Variants in DOCK8 observed in about 807,000 individuals in gnomAD.
The protein encoded by DOCK8 is dedicator of cytokinesis 8, also known as dedicator of cytokinesis protein 8.
Under a neutral mutation model 245.6 loss-of-function variants are expected in DOCK8, and 141 were observed. The ratio of observed to expected loss-of-function variants is 0.57; its 90% CI spans 0.50 to 0.66. The LOEUF (loss-of-function observed/expected upper bound fraction) is 0.66. Among genes scored for constraint, DOCK8 ranks in the 30% least tolerant of loss-of-function variants. The pLI is 0.00. For missense variants in DOCK8, 2,965 were observed against 2,603.4 expected (o/e 1.14, Z -3.02); for synonymous variants, 1,168 against 970.2 (o/e 1.20, Z -3.79).
chr9:273,003 T>C, intron 2 of DOCK8: 8 of 984,114 alleles, frequency 8.1e-6, no homozygotes, highest in Non-Finnish European at 9.7e-6. Context: ...AAACCACTTC[T>C]GCCTTAGAAA....
chr9:408,321 C>T (rs1278147249), intron 28 of DOCK8, among the ~76,000 whole-genome samples: 1 of 152,212 alleles, frequency 6.6e-6, no homozygotes, highest in Non-Finnish European at 1.5e-5. Flanking sequence ...TGAAGTGACT[C>T]TATGTCTGCG....
At chr9:228,638 T>C (rs2047038678) in intron 1 of DOCK8, among the ~76,000 whole-genome samples, 1 of 152,184 alleles carries the variant, frequency 6.6e-6, no homozygotes, top group Admixed American at 6.5e-5. Context: ...TTCAGAACTC[T>C]GAGAAAATAA....
intron 26 of DOCK8, among the ~76,000 whole-genome samples, chr9:400,062 CTT>C (rs2054723353): frequency 1.1e-5 from 1 of 91,018 alleles, no homozygotes; most frequent in African/African-American, 6.5e-5. Flanking sequence ...TCACCACCTC[CTT>C]CACCATCACC....
Position 372,291 on chromosome 9 carries a change from T to G in DOCK8, c.2109+5T>G. 2 of 1,611,562 alleles carry G rather than the reference T, an allele frequency of 1.2e-6. No homozygotes were observed. The highest frequency in any genetic ancestry group is 2.2e-5 in the South Asian group (2 of 91,022). On this transcript the variant is annotated splice_donor_5th_base_variant and intron_variant, in intron 18 of 47. Coordinates refer to ENST00000432829, the MANE Select transcript of DOCK8 (RefSeq NM_203447.4). ...TACTCCATGCATTCTGCTGAGGTAA[T>G]TGGCAAGCTGGCCATCAGCTGTTTC...
intron 1 of DOCK8, among the ~76,000 whole-genome samples, chr9:237,243 C>T (rs1294493637): frequency 6.6e-6 from 1 of 152,206 alleles, no homozygotes. Flanking sequence ...AAGCAAAAGC[C>T]AAACAAGTAC....
chr9:308,306 C>A (rs891306034), intron 5 of DOCK8, among the ~76,000 whole-genome samples: 1 of 152,180 alleles, frequency 6.6e-6, no homozygotes, highest in Non-Finnish European at 1.5e-5. Flanking sequence ...AGATATTACA[C>A]TGTATTCCAT....
At chr9:265,916 C>G (rs2048026014) in intron 1 of DOCK8, among the ~76,000 whole-genome samples, 1 of 152,104 alleles carries the variant, frequency 6.6e-6, no homozygotes, top group Admixed American at 6.6e-5. Context: ...TAAACTCAAG[C>G]AAATGGCAAA....
At chr9:409,266 T>A (rs1176917276) in intron 28 of DOCK8, among the ~76,000 whole-genome samples, 4 of 152,226 alleles carry the variant, frequency 2.6e-5, no homozygotes, top group African/African-American at 9.6e-5. Flanking sequence ...CACCTGGGTA[T>A]ATCCACAAGT....
intron 18 of DOCK8, among the ~76,000 whole-genome samples, chr9:372,592 C>CA (rs1350730626): frequency 4.6e-5 from 7 of 152,222 alleles, no homozygotes; most frequent in African/African-American, 1.7e-4. Context: ...TCATAGTAAA[C>CA]AACTGTTCCC....
chr9:328,114 G>T lies in DOCK8; in HGVS notation c.987G>T (p.Ala329=). ...CTTCAGTGGCCGCATCAAGTCAGGC[G>T]AGATCTGCAGTCTTCTCAGTCACCT... is the stretch of plus-strand genomic sequence containing the variant. ...HTPSVAASSQ[A]RSAVFSVTYP... is the part of the protein sequence containing the mutation. The change falls in exon 9 of 48, where the codon GCG becomes GCT. Residue 329 remains alanine, a synonymous_variant. Transcript: ENST00000432829. The T allele has an allele frequency of 6.2e-7, 1 of 1,614,162 alleles. No homozygotes were observed. Among genetic ancestry groups the T allele is most frequent in the Non-Finnish European group, 8.5e-7 (1 of 1,180,014 alleles).
chr9:262,392 T>C (rs1476013986), intron 1 of DOCK8, among the ~76,000 whole-genome samples: 1 of 150,124 alleles, frequency 6.7e-6, no homozygotes, highest in East Asian at 2.0e-4. Flanking sequence ...GCAACTTTAT[T>C]TGTAATAGGT....
At chr9:383,376 T>C (rs1295044687) in intron 22 of DOCK8, among the ~76,000 whole-genome samples, 1 of 151,980 alleles carries the variant, frequency 6.6e-6, no homozygotes, top group African/African-American at 2.4e-5. Flanking sequence ...CTACTAAAAA[T>C]ACAAAATTAG....
chr9:403,892 CTATA>C (rs768500884), intron 26 of DOCK8, among the ~76,000 whole-genome samples: 1,113 of 73,576 alleles, frequency 0.015, 22 homozygotes, highest in African/African-American at 0.052. Flanking sequence ...CTCTCTCTCT[CTATA>C]TATATATATA....
rs377297446 is a variant in DOCK8, at chr9:404,953, T to C, written c.3270T>C (p.Ile1090=). Residue 1090 remains isoleucine (I), a synonymous_variant, in exon 27 of 48, where the codon ATT becomes ATC. Coordinates refer to ENST00000432829, the MANE Select transcript of DOCK8 (RefSeq NM_203447.4). ...SAKLSNLPTL[I]SMRLEFLRIL... is the part of the protein sequence containing the mutation. Reference sequence around the variant, plus strand: ...AGCTCAGTAACCTTCCAACGCTCATTTCCATGAGGCTAGAGTTCCTGAGAA... The same window carrying C: ...AGCTCAGTAACCTTCCAACGCTCATCTCCATGAGGCTAGAGTTCCTGAGAA... 20 of 1,614,098 alleles carry C rather than the reference T, an allele frequency of 1.2e-5. No homozygotes were observed. Among genetic ancestry groups the C allele is most frequent in the Middle Eastern group, 1.6e-4 (1 of 6,062 alleles).
intron 46 of DOCK8, chr9:458,076 A>G (rs1395937028): frequency 6.6e-6 from 1 of 152,204 alleles, no homozygotes; most frequent in Non-Finnish European, 1.5e-5. Context: ...CTAGTAACAG[A>G]AGGAAGAGTA....
chr9:375,137 A>G (rs2053465304), intron 18 of DOCK8, among the ~76,000 whole-genome samples: 1 of 152,180 alleles, frequency 6.6e-6, no homozygotes, highest in African/African-American at 2.4e-5. Flanking sequence ...TTCAAACAGA[A>G]CGTGTGTGTA....
intron 1 of DOCK8, 132 bp downstream of exon 1, chr9:215,161 G>C: frequency 1.3e-6 from 2 of 1,493,434 alleles, no homozygotes; most frequent in Non-Finnish European, 1.8e-6. Flanking sequence ...GAGACCTGGG[G>C]CGCCCGGTTC....
At chr9:225,565 A>G (rs552452221) in intron 1 of DOCK8, among the ~76,000 whole-genome samples, 65 of 152,202 alleles carry the variant, frequency 4.3e-4, no homozygotes, top group Non-Finnish European at 6.5e-4. Flanking sequence ...ATACTTATTC[A>G]TTCATTCATT....
At chr9:336,512 G>C in intron 11 of DOCK8, 70 bp from the exon 12 acceptor site, 1 of 1,597,156 alleles carries the variant, frequency 6.3e-7, no homozygotes, top group Non-Finnish European at 8.6e-7. Flanking sequence ...CATACATATT[G>C]TGAAGTTAAT....
Sources: gnomAD v4.1 joint callset for allele counts (sites outside exome capture counted in the v4.1 genomes callset) on GRCh38, gnomAD v4.1.1 for gene constraint, MANE v1.5 for transcripts, NCBI Gene and HGNC (gene_info 2026-07-23, HGNC 2026-07-21) for gene names.